Variants in PTPRE observed in about 807,000 individuals in gnomAD.
PTPRE encodes receptor-type tyrosine-protein phosphatase epsilon.
In PTPRE, 51 loss-of-function variants were observed where a neutral mutation model predicts 102.0. The observed-to-expected ratio is 0.50, with a 90% confidence interval of 0.40 to 0.63. The LOEUF (loss-of-function observed/expected upper bound fraction) is 0.63. Ranked by LOEUF, PTPRE falls within the 30% of genes least tolerant of loss-of-function variation. The pLI is 0.00. For synonymous variants in PTPRE, 345 were observed against 348.2 expected, an observed-to-expected ratio of 0.99 and a Z score of 0.10; for missense variants, 752 against 915.1, an observed-to-expected ratio of 0.82 and a Z score of 2.30.
intron 2 of PTPRE, among the ~76,000 whole-genome samples, chr10:128,011,117 G>C (rs1844977664): frequency 6.6e-6 from 1 of 152,136 alleles, no homozygotes; most frequent in African/African-American, 2.4e-5. Context: ...CATGGCATGC[G>C]GTTTAATGGG....
Position 128,072,200 on chromosome 10 carries a change from G to A in PTPRE, c.1450G>A (p.Ala484Thr), listed in dbSNP as rs768212636. The change falls in exon 16 of 21, where the codon GCA becomes ACA. Residue 484 changes from alanine to threonine, a missense_variant. Transcript: ENST00000254667. ...TCAAGAATACACAGACTACATCAAC[G>A]CATCCTTCATAGACGTACGTATGCT... Reference protein sequence around the residue: ...RGQEYTDYINASFIDGYRQKD... With the variant: ...RGQEYTDYINTSFIDGYRQKD... 2.5e-6 allele frequency: 4 copies of A among 1,613,392 alleles called. No homozygotes were observed. Among genetic ancestry groups the A allele is most frequent in the East Asian group, 2.2e-5 (1 of 44,864 alleles).
chr10:128,079,032 A>G (rs1440773197), intron 19 of PTPRE, among the ~76,000 whole-genome samples: 5 of 152,276 alleles, frequency 3.3e-5, no homozygotes, highest in East Asian at 1.9e-4. Flanking sequence ...GATGACTCAA[A>G]TCGGCCTTGC....
intron 1 of PTPRE, among the ~76,000 whole-genome samples, chr10:127,955,051 A>C (rs1849297724): frequency 6.6e-6 from 1 of 151,952 alleles, no homozygotes; most frequent in African/African-American, 2.4e-5. Context: ...CCAGACTACC[A>C]ATGGGAAATT....
chr10:128,063,936 C>T (rs1450971390), intron 10 of PTPRE, among the ~76,000 whole-genome samples: 1 of 152,190 alleles, frequency 6.6e-6, no homozygotes, highest in Non-Finnish European at 1.5e-5. Flanking sequence ...ACACTTACCA[C>T]AGGTGGGGCG....
intron 20 of PTPRE, among the ~76,000 whole-genome samples, chr10:128,080,067 C>T (rs928723912): frequency 6.8e-6 from 1 of 146,688 alleles, no homozygotes; most frequent in Admixed American, 6.9e-5. Context: ...AATTTAAAAT[C>T]CTGGTCCTTC....
chr10:127,927,653 A>T (rs1269109668), intron 1 of PTPRE, among the ~76,000 whole-genome samples: 2 of 152,150 alleles, frequency 1.3e-5, no homozygotes, highest in Non-Finnish European at 2.9e-5. Context: ...CTGCCTGGGA[A>T]TTGGGGCAGC....
intron 2 of PTPRE, among the ~76,000 whole-genome samples, chr10:128,035,251 GT>G (rs1265345801): frequency 6.6e-6 from 1 of 151,044 alleles, no homozygotes; most frequent in East Asian, 2.0e-4. Context: ...TCCAAAAAAA[GT>G]TTTCTTAAAA....
chr10:127,934,533 G>A (rs1847691840), intron 1 of PTPRE: 1 of 152,194 alleles, frequency 6.6e-6, no homozygotes, highest in South Asian at 2.1e-4. Context: ...CATCCCCAAG[G>A]ATAAGTCACG....
chr10:128,076,847 T>C, intron 18 of PTPRE, 119 bp downstream of exon 18: 1 of 1,402,098 alleles, frequency 7.1e-7, no homozygotes, highest in South Asian at 1.3e-5. Context: ...CTTCACCTAG[T>C]CCCATTGGCT....
At position 128,084,860 on chromosome 10, in the gene PTPRE, CT is replaced by C. The variant is rs1851984778; in HGVS notation, c.*1957del. On this transcript the variant is annotated 3_prime_UTR_variant, in exon 21 of 21. Transcript: ENST00000254667. ...CGAAGTCAAAGTCGAGGGGCACCGG[CT>C]TTGGTTCATGTCTAGGAGCCCTCTG... 6 of 180,530 alleles carry C rather than the reference CT, an allele frequency of 3.3e-5. 1 individual carries two copies. The South Asian group carries it at 4.8e-4, about 15-fold the overall frequency. 11.2% of individuals were successfully genotyped at this position (180,530 alleles called of 1,614,324 possible).
intron 15 of PTPRE, 116 bp downstream of exon 15, chr10:128,071,017 G>A: frequency 9.7e-7 from 1 of 1,028,720 alleles, no homozygotes. Flanking sequence ...AAAGCAGGGT[G>A]TCCTCTGGCC....
rs974944774 is a variant in PTPRE, at chr10:128,008,492, G to T, written c.-8+26196G>T. Among the ~76,000 whole-genome samples, 1 of 152,328 alleles carries T rather than the reference G, an allele frequency of 6.6e-6. No individual in the cohort carries two copies. The highest frequency in any genetic ancestry group is 1.9e-4 in the East Asian group (1 of 5,186). On this transcript the variant is annotated intron_variant, in intron 2 of 20. Coordinates refer to ENST00000254667, the MANE Select transcript of PTPRE (RefSeq NM_006504.6). This position sits in a 1 kb window ranked among gnomAD's most constrained non-coding sequence, Gnocchi z 4.0. ...AGCCAGTCCCGGGTTTCTAAACCCAGTTGATCAATATCCCCTTTATTCTAG... is the reference window on the plus strand; with the variant it reads ...AGCCAGTCCCGGGTTTCTAAACCCATTTGATCAATATCCCCTTTATTCTAG...
chr10:127,924,864 A>G (rs546384670), intron 1 of PTPRE, among the ~76,000 whole-genome samples: 1 of 152,356 alleles, frequency 6.6e-6, no homozygotes, highest in African/African-American at 2.4e-5. Flanking sequence ...GGACATTGTA[A>G]TGAATAAGCA....
intron 1 of PTPRE, among the ~76,000 whole-genome samples, chr10:127,980,071 A>C (rs555771429): frequency 6.6e-6 from 1 of 152,226 alleles, no homozygotes; most frequent in Non-Finnish European, 1.5e-5. Flanking sequence ...TCTTGTAATA[A>C]GTTATTCCTA....
intron 2 of PTPRE, among the ~76,000 whole-genome samples, chr10:127,986,527 C>T (rs1405167427): frequency 3.3e-5 from 5 of 152,194 alleles, no homozygotes; most frequent in African/African-American, 7.2e-5. Context: ...ACAAAATTAA[C>T]GTGTGAATAT....
At chr10:128,052,779 G>A (rs1047404004) in intron 6 of PTPRE, among the ~76,000 whole-genome samples, 2 of 152,210 alleles carry the variant, frequency 1.3e-5, no homozygotes, top group Non-Finnish European at 2.9e-5. Flanking sequence ...AGAGGGAGGT[G>A]TCAACCGCAA....
Position 127,971,393 on chromosome 10 carries a change from T to C in PTPRE, c.-30-10881T>C, listed in dbSNP as rs537964815. Among the ~76,000 whole-genome samples, 13 of 152,286 alleles carry C rather than the reference T, an allele frequency of 8.5e-5. No individual in the cohort carries two copies. In the South Asian group the frequency reaches 2.7e-3, roughly 32 times the overall value. ...CTGGAGGGCGTCTCCATGTTCTCGATGCCTCTGTTTCCTCCTCTGGAAGGC... is the reference window on the plus strand; with the variant it reads ...CTGGAGGGCGTCTCCATGTTCTCGACGCCTCTGTTTCCTCCTCTGGAAGGC... On this transcript the variant is annotated intron_variant, in intron 1 of 20. Transcript: ENST00000254667.
At chr10:127,956,604 C>T (rs1849421999) in intron 1 of PTPRE, among the ~76,000 whole-genome samples, 1 of 152,182 alleles carries the variant, frequency 6.6e-6, no homozygotes, top group African/African-American at 2.4e-5. Flanking sequence ...AGTGCAATTG[C>T]TGGATCATAT....
chr10:128,051,258 A>AGTCC (rs1848545045), intron 6 of PTPRE, among the ~76,000 whole-genome samples: 1 of 152,190 alleles, frequency 6.6e-6, no homozygotes, highest in African/African-American at 2.4e-5. Context: ...CCAGGGAGGG[A>AGTCC]GTCCAGGAAT....
Sources: allele counts gnomAD v4.1 joint callset (sites outside exome capture counted in the v4.1 genomes callset), GRCh38; gene constraint gnomAD v4.1.1; non-coding constraint Gnocchi (gnomAD v3.1); transcripts MANE v1.5; gene names NCBI Gene and HGNC (gene_info 2026-07-23, HGNC 2026-07-21).